Variants in ROBO1 observed in about 807,000 individuals in gnomAD.
ROBO1 encodes roundabout guidance receptor 1.
A neutral mutation model predicts 195.9 loss-of-function variants in ROBO1; 149 were observed. The observed-to-expected ratio is 0.76, with a 90% CI of 0.67 to 0.87. The LOEUF (loss-of-function observed/expected upper bound fraction) is 0.87. Ranked by LOEUF, ROBO1 falls within the 40% of genes least tolerant of loss-of-function variation. The pLI, the probability that ROBO1 is intolerant of heterozygous loss-of-function variation, is 0.00. For missense variants in ROBO1, 1,933 were observed against 2,068.3 expected (o/e 0.93, Z 1.27); for synonymous variants, 816 against 733.2 (o/e 1.11, Z -1.82).
At chr3:79,732,055 G>T (rs1703170800) in intron 1 of ROBO1, among the ~76,000 whole-genome samples, 3 of 151,744 alleles carry the variant, frequency 2.0e-5, no homozygotes, top group African/African-American at 7.3e-5. Flanking sequence ...ATATAGATGA[G>T]GTATGTATTA....
chr3:79,541,968 G>T (rs920286309), intron 2 of ROBO1, among the ~76,000 whole-genome samples: 1 of 151,216 alleles, frequency 6.6e-6, no homozygotes, highest in Non-Finnish European at 1.5e-5. Context: ...TAACCAAAAC[G>T]ATGATTTTCA....
chr3:78,933,228 T>C (rs762903743), intron 4 of ROBO1, among the ~76,000 whole-genome samples: 4 of 152,128 alleles, frequency 2.6e-5, no homozygotes, highest in Non-Finnish European at 4.4e-5. Flanking sequence ...GAAATGCCCA[T>C]TGAAACTCAA....
At chr3:79,469,139 T>C (rs1938129612) in intron 2 of ROBO1, among the ~76,000 whole-genome samples, 1 of 151,974 alleles carries the variant, frequency 6.6e-6, no homozygotes, top group Admixed American at 6.6e-5. Flanking sequence ...TCTTGGAAAA[T>C]AATGGGGCAT....
intron 2 of ROBO1, among the ~76,000 whole-genome samples, chr3:79,456,847 ACACCAAATTTG>A (rs1321511306): frequency 6.6e-6 from 1 of 152,184 alleles, no homozygotes; most frequent in Non-Finnish European, 1.5e-5. Flanking sequence ...TCTAAATCTT[ACACCAAATTTG>A]CCCCTAAATA....
chr3:79,334,715 A>G (rs990856388), intron 2 of ROBO1, among the ~76,000 whole-genome samples: 1 of 151,592 alleles, frequency 6.6e-6, no homozygotes, highest in Non-Finnish European at 1.5e-5. Flanking sequence ...GAAATCTTCA[A>G]TTCATATATT....
intron 2 of ROBO1, among the ~76,000 whole-genome samples, chr3:79,567,144 ATG>A (rs1943115692): frequency 6.6e-6 from 1 of 152,166 alleles, no homozygotes; most frequent in East Asian, 1.9e-4. Flanking sequence ...TAGCAAACTA[ATG>A]CAAAAACAGA....
At chr3:79,229,508 G>C (rs951901918) in intron 2 of ROBO1, among the ~76,000 whole-genome samples, 2 of 152,090 alleles carry the variant, frequency 1.3e-5, no homozygotes, top group Admixed American at 1.3e-4. Flanking sequence ...GTGCAGTGGT[G>C]TGATCATAGC....
At chr3:79,343,203 A>T (rs543341182) in intron 2 of ROBO1, among the ~76,000 whole-genome samples, 1 of 152,072 alleles carries the variant, frequency 6.6e-6, no homozygotes, top group Non-Finnish European at 1.5e-5. Context: ...ATAATATTCT[A>T]TTGTCTGGAT....
intron 1 of ROBO1, among the ~76,000 whole-genome samples, chr3:79,759,989 C>A (rs1490835985): frequency 6.6e-6 from 1 of 151,930 alleles, no homozygotes; most frequent in African/African-American, 2.4e-5. Flanking sequence ...GTAATCCCAG[C>A]ACTTTGGGAG....
At chr3:78,955,501 G>T (rs2041003933) in intron 3 of ROBO1, among the ~76,000 whole-genome samples, 1 of 151,994 alleles carries the variant, frequency 6.6e-6, no homozygotes, top group Non-Finnish European at 1.5e-5. Flanking sequence ...TTAACCATAG[G>T]AGGGTTTTTA....
intron 2 of ROBO1, among the ~76,000 whole-genome samples, chr3:79,329,857 A>G (rs1418887423): frequency 6.6e-6 from 1 of 152,072 alleles, no homozygotes; most frequent in Non-Finnish European, 1.5e-5. Context: ...AATTAATTCT[A>G]TTTTACCTAT....
At chr3:78,645,874 A>G (rs1706246551) in intron 21 of ROBO1, among the ~76,000 whole-genome samples, 1 of 151,972 alleles carries the variant, frequency 6.6e-6, no homozygotes, top group African/African-American at 2.4e-5. Flanking sequence ...AGTCACTTTA[A>G]CTCCTTTTAA....
chr3:79,463,348 C>T (rs1192207742), intron 2 of ROBO1, among the ~76,000 whole-genome samples: 2 of 150,322 alleles, frequency 1.3e-5, no homozygotes, highest in Non-Finnish European at 3.0e-5. Flanking sequence ...GCACTCCAGC[C>T]TGGGTGACAG....
intron 4 of ROBO1, among the ~76,000 whole-genome samples, chr3:78,784,838 A>G (rs1314055570): frequency 6.6e-6 from 1 of 152,184 alleles, no homozygotes; most frequent in Non-Finnish European, 1.5e-5. Context: ...TCAATAACTT[A>G]GAAAAGTTTT....
intron 2 of ROBO1, among the ~76,000 whole-genome samples, chr3:79,290,892 C>T (rs1401620318): frequency 1.3e-5 from 2 of 152,144 alleles, no homozygotes; most frequent in Non-Finnish European, 2.9e-5. Context: ...CAGGTCACTA[C>T]CCACATTATC....
chr3:79,395,767 C>T (rs1295264089), intron 2 of ROBO1, among the ~76,000 whole-genome samples: 1 of 151,914 alleles, frequency 6.6e-6, no homozygotes, highest in African/African-American at 2.4e-5. Flanking sequence ...TTCATAAAGA[C>T]CTCTTTATTT....
chr3:78,724,889 A>C (rs2082127035), intron 5 of ROBO1, among the ~76,000 whole-genome samples: 1 of 152,212 alleles, frequency 6.6e-6, no homozygotes, highest in Non-Finnish European at 1.5e-5. Flanking sequence ...ATTTAAAATA[A>C]GCTAAAATAT....
intron 6 of ROBO1, 95 bp downstream of exon 6, chr3:78,717,668 T>C (rs776929053): frequency 5.1e-6 from 7 of 1,365,770 alleles, no homozygotes; most frequent in East Asian, 2.5e-5. Context: ...CCTAAAAATA[T>C]TTGGCTTAAC....
intron 2 of ROBO1, among the ~76,000 whole-genome samples, chr3:79,524,883 AATAGTTGAAAATT>A (rs745814568): frequency 6.6e-6 from 1 of 152,100 alleles, no homozygotes; most frequent in Non-Finnish European, 1.5e-5. Context: ...CTAGAAATAA[AATAGTTGAAAATT>A]ATATGTGTGT....
Sources: allele counts gnomAD v4.1 joint callset (sites outside exome capture counted in the v4.1 genomes callset), GRCh38; gene constraint gnomAD v4.1.1; transcripts MANE v1.5; gene names NCBI Gene and HGNC (gene_info 2026-07-23, HGNC 2026-07-21).